The following THSD7A variants were observed in gnomAD, a reference collection of about 807,000 sequenced individuals.
THSD7A encodes the protein thrombospondin type 1 domain containing 7A.
In THSD7A, 96 loss-of-function variants were observed where a neutral mutation model predicts 231.3. The ratio of observed to expected loss-of-function variants is 0.41; its 90% CI spans 0.35 to 0.49. THSD7A has a LOEUF of 0.49. Ranked by LOEUF, THSD7A falls within the 20% of genes least tolerant of loss-of-function variation. The pLI is 0.05. For missense variants in THSD7A, 2,290 were observed against 2,070.2 expected, an observed-to-expected ratio of 1.11 and a Z score of -2.06; for synonymous variants, 940 against 743.3, an observed-to-expected ratio of 1.26 and a Z score of -4.30.
intron 14 of THSD7A, 82 bp downstream of exon 14, chr7:11,428,865 T>A (rs1482267312): frequency 6.7e-7 from 1 of 1,489,426 alleles, no homozygotes; most frequent in Non-Finnish European, 9.1e-7. Flanking sequence ...ATAGCTATTA[T>A]TTCCTCTTCT....
At chr7:11,480,365 T>C (rs563483833) in intron 7 of THSD7A, among the ~76,000 whole-genome samples, 1 of 152,244 alleles carries the variant, frequency 6.6e-6, no homozygotes, top group South Asian at 2.1e-4. Context: ...CATTCATTAG[T>C]AGTCACACAG....
intron 1 of THSD7A, among the ~76,000 whole-genome samples, chr7:11,767,631 C>T (rs1049506518): frequency 1.3e-5 from 2 of 152,044 alleles, no homozygotes; most frequent in South Asian, 2.1e-4. Flanking sequence ...ATCAGTATCA[C>T]CCCAAAGTAA....
chr7:11,480,665 CT>C (rs1472774133), intron 7 of THSD7A, among the ~76,000 whole-genome samples: 1 of 152,046 alleles, frequency 6.6e-6, no homozygotes, highest in Non-Finnish European at 1.5e-5. Context: ...CACAGGTTGG[CT>C]TTTCTGTGTG....
In THSD7A at chr7:11,761,101, G is replaced by A. The variant is rs141221332; in HGVS notation, c.190+70656C>T. 2.0e-4 allele frequency among the ~76,000 whole-genome samples: 30 copies of A among 151,790 alleles called. 1 individual carries two copies. In the East Asian group the frequency reaches 5.2e-3, roughly 26 times the overall value. ...AAACAAAAAATTTTTAGAACAGCCC[G>A]AAGATTAACTGCTGTTTCTAAAACT... On this transcript the variant is annotated intron_variant, in intron 1 of 27. Coordinates refer to ENST00000423059, the MANE Select transcript of THSD7A (RefSeq NM_015204.3).
rs765169451 is a variant in THSD7A, at chr7:11,636,569, A to G, written c.583T>C (p.Cys195Arg). 6.2e-7 allele frequency: 1 copy of G among 1,614,002 alleles called. No individual in the cohort carries two copies. Among genetic ancestry groups the G allele is most frequent in the Non-Finnish European group, 8.5e-7 (1 of 1,179,902 alleles). The change falls in exon 2 of 28, where the codon TGC becomes CGC. Residue 195 changes from cysteine (C) to arginine (R), a missense_variant. Transcript: ENST00000423059. This position sits in a 1 kb window ranked among gnomAD's most constrained non-coding sequence, Gnocchi z 10.0. ...QACLIPCQQDCIVSEFSAWSE... is the reference protein window; with the variant it reads ...QACLIPCQQDRIVSEFSAWSE... ...CAGGCAGAAAATTCAGACACGATGC[A>G]ATCTTGCTGGCAAGGAATGAGGCAA...
chr7:11,722,296 G>A (rs1378010163), intron 1 of THSD7A, among the ~76,000 whole-genome samples: 1 of 151,864 alleles, frequency 6.6e-6, no homozygotes, highest in African/African-American at 2.4e-5. Flanking sequence ...TTATGGGAAG[G>A]GGGTGAATAC....
At chr7:11,485,503 C>G (rs1161452270) in intron 6 of THSD7A, among the ~76,000 whole-genome samples, 1 of 152,152 alleles carries the variant, frequency 6.6e-6, no homozygotes, top group Non-Finnish European at 1.5e-5. Flanking sequence ...TATACATCAC[C>G]TCAGCTAATT....
chr7:11,598,460 G>T (rs6951968), intron 2 of THSD7A, among the ~76,000 whole-genome samples: 54,940 of 151,982 alleles, frequency 0.36, 11,284 homozygotes, highest in East Asian at 0.56. Context: ...ACGAACAAAG[G>T]GGCCATAGTG....
intron 1 of THSD7A, among the ~76,000 whole-genome samples, chr7:11,677,042 A>T (rs572274256): frequency 6.6e-6 from 1 of 152,318 alleles, no homozygotes; most frequent in East Asian, 1.9e-4. Flanking sequence ...CCACAAAAGG[A>T]AGCCCATCAG....
chr7:11,458,489 A>C (rs1050654295), intron 11 of THSD7A, among the ~76,000 whole-genome samples: 1 of 152,154 alleles, frequency 6.6e-6, no homozygotes, highest in African/African-American at 2.4e-5. Context: ...TGAATATATC[A>C]CTTGTTATAA....
At chr7:11,598,558 T>G (rs1780446671) in intron 2 of THSD7A, among the ~76,000 whole-genome samples, 1 of 152,196 alleles carries the variant, frequency 6.6e-6, no homozygotes, top group Admixed American at 6.5e-5. Context: ...AAGTGCCCAA[T>G]TTGCCAGCAC....
chr7:11,781,155 G>A (rs56020952), intron 1 of THSD7A, among the ~76,000 whole-genome samples: 30,833 of 151,848 alleles, frequency 0.2, 3,441 homozygotes, highest in African/African-American at 0.3. Flanking sequence ...AGGAGATAAA[G>A]GGAGGCCAGG....
intron 6 of THSD7A, among the ~76,000 whole-genome samples, chr7:11,490,233 C>T: frequency 6.6e-6 from 1 of 152,028 alleles, no homozygotes; most frequent in East Asian, 1.9e-4. Flanking sequence ...GGAGATAGAA[C>T]CCATTTTAAC....
At position 11,798,359 on chromosome 7, in the gene THSD7A, T is replaced by C. The variant is rs150729714; in HGVS notation, c.190+33398A>G. ...GGTGGTACATGTCTGTAATCCTAGA[T>C]ACTCGGGAGGCTGAGGCAGGAGAAT... On this transcript the variant is annotated intron_variant, in intron 1 of 27. Coordinates refer to ENST00000423059, the MANE Select transcript of THSD7A (RefSeq NM_015204.3). Among the ~76,000 whole-genome samples the C allele has an allele frequency of 3.5e-3, 526 of 152,110 alleles. 1 individual carries two copies. The highest frequency in any genetic ancestry group is 0.02 in the Middle Eastern group (6 of 294).
At position 11,707,833 on chromosome 7, in the gene THSD7A, TACAA is replaced by T. The variant is rs1272312234; in HGVS notation, c.191-70876_191-70873del. On this transcript the variant is annotated intron_variant, in intron 1 of 27. Coordinates refer to ENST00000423059, the MANE Select transcript of THSD7A (RefSeq NM_015204.3). The stretch of plus-strand genomic sequence containing the variant: ...AACTCTGGAAAGTGAAAGAAGCTTA[TACAA>T]ACAAACAATTTTATTCAAGGATCTC... Among the ~76,000 whole-genome samples the T allele has an allele frequency of 2.0e-5, 3 of 150,982 alleles. No individual in the cohort carries two copies. The East Asian group carries it at 5.9e-4, about 30-fold the overall frequency.
chr7:11,669,895 A>C (rs1783306870), intron 1 of THSD7A, among the ~76,000 whole-genome samples: 2 of 152,064 alleles, frequency 1.3e-5, no homozygotes, highest in South Asian at 4.1e-4. Context: ...TTGTTGCCTC[A>C]CTGAAGCCAT....
chr7:11,709,603 T>TA (rs1780885415), intron 1 of THSD7A, among the ~76,000 whole-genome samples: 1 of 150,904 alleles, frequency 6.6e-6, no homozygotes, highest in African/African-American at 2.4e-5. Flanking sequence ...TACACTATTT[T>TA]AAAAAATACA....
chr7:11,385,214 G>C (rs1264538503), intron 23 of THSD7A: 2 of 150,620 alleles, frequency 1.3e-5, no homozygotes, highest in Non-Finnish European at 3.0e-5. Context: ...AAATTATCTT[G>C]ATTGTCTAAA....
In THSD7A at chr7:11,506,630, C is replaced by T. The variant is rs533850163; in HGVS notation, c.1823-24648G>A. Among the ~76,000 whole-genome samples, 7 of 151,900 alleles carry T rather than the reference C, an allele frequency of 4.6e-5. 1 individual carries two copies. The South Asian group carries it at 6.2e-4, about 14-fold the overall frequency. On this transcript the variant is annotated intron_variant, in intron 6 of 27. Coordinates refer to ENST00000423059, the MANE Select transcript of THSD7A (RefSeq NM_015204.3). Reference sequence around the variant, plus strand: ...GCCCTGTATGATCTGCTTCTTGGCTCCCTCTACTCTTCTCATTCTCCCTTA... The same window carrying T: ...GCCCTGTATGATCTGCTTCTTGGCTTCCTCTACTCTTCTCATTCTCCCTTA...
Sources: allele counts gnomAD v4.1 joint callset (sites outside exome capture counted in the v4.1 genomes callset), GRCh38; gene constraint gnomAD v4.1.1; non-coding constraint Gnocchi (gnomAD v3.1); transcripts MANE v1.5; gene names NCBI Gene and HGNC (gene_info 2026-07-23, HGNC 2026-07-21).